RALGAPA1: variants seen among roughly 807,000 people sequenced by gnomAD.
RALGAPA1 encodes the protein ral GTPase-activating protein subunit alpha-1.
In RALGAPA1, 52 loss-of-function variants were observed where a neutral mutation model predicts 269.6. The ratio of observed to expected loss-of-function variants is 0.19; its 90% CI spans 0.15 to 0.24. RALGAPA1 has a LOEUF of 0.24. Among genes scored for constraint, RALGAPA1 ranks in the 10% least tolerant of loss-of-function variants. RALGAPA1 has a pLI of 1.00. For synonymous variants in RALGAPA1, 817 were observed against 1,008.3 expected (o/e 0.81, Z 3.60); for missense variants, 1,917 against 3,013.9 (o/e 0.64, Z 8.52).
At chr14:35,583,083 AG>A (rs1246352728) in intron 37 of RALGAPA1, among the ~76,000 whole-genome samples, 1 of 152,230 alleles carries the variant, frequency 6.6e-6, no homozygotes, top group Non-Finnish European at 1.5e-5. Context: ...CATAGTCTAA[AG>A]AGACTGAACA....
Position 35,539,836 on chromosome 14 carries a change from C to A in RALGAPA1, c.*24-146G>T, listed in dbSNP as rs148335276. 2.7e-4 allele frequency: 311 copies of A among 1,159,654 alleles called. 1 individual carries two copies. The African/African-American group carries it at 4.4e-3, about 17-fold the overall frequency. 71.8% of individuals were successfully genotyped at this position (1,159,654 alleles called of 1,614,324 possible). The stretch of plus-strand genomic sequence containing the variant: ...AAGCAAGCCCCAAACTTGCTTGTTA[C>A]AATAGCCTACTAATGTATTTAAAAC... On this transcript the variant is annotated intron_variant, in intron 41 of 41. Transcript: ENST00000680220.
chr14:35,743,010 C>A (rs1045645500), intron 10 of RALGAPA1, among the ~76,000 whole-genome samples: 1 of 152,046 alleles, frequency 6.6e-6, no homozygotes, highest in Non-Finnish European at 1.5e-5. Context: ...ATCACATACA[C>A]CCCAACACTC....
At chr14:35,688,188 G>C (rs2066125877) in intron 18 of RALGAPA1, among the ~76,000 whole-genome samples, 1 of 152,108 alleles carries the variant, frequency 6.6e-6, no homozygotes, top group Non-Finnish European at 1.5e-5. Context: ...TCTTTGATAG[G>C]TTATTGAAAT....
rs1178693890 is a variant in RALGAPA1 at position 35,688,646 on chromosome 14, A to G, written c.3765T>C (p.Leu1255=). Residue 1255 remains leucine, a synonymous_variant, in exon 18 of 42, where the codon CTT becomes CTC. Transcript: ENST00000680220. ...GTCCTGCCTCATGACTTGATGACCT[A>G]AGAGTACTACGACTACCTAATTGAC... ...ASSQLGSRST[L]RSSSHEAGLQ... is the part of the protein sequence containing the mutation. The G allele has an allele frequency of 1.3e-5, 20 of 1,529,196 alleles. No individual in the cohort carries two copies. The highest frequency in any genetic ancestry group is 1.7e-5 in the Non-Finnish European group (19 of 1,144,664). 94.7% of individuals were successfully genotyped at this position (1,529,196 alleles called of 1,614,324 possible).
intron 4 of RALGAPA1, chr14:35,765,889 A>C: frequency 9.9e-7 from 1 of 1,010,076 alleles, no homozygotes; most frequent in Non-Finnish European, 1.5e-6. Context: ...ACTAATGGAA[A>C]AACAAATTTA....
chr14:35,740,893 C>G (rs1043197771), intron 11 of RALGAPA1, among the ~76,000 whole-genome samples: 2 of 152,094 alleles, frequency 1.3e-5, no homozygotes, highest in East Asian at 3.8e-4. Context: ...AACTGTAACA[C>G]CAAAAATTTA....
At chr14:35,723,766 A>G (rs904305430) in intron 14 of RALGAPA1, 8 of 152,214 alleles carry the variant, frequency 5.3e-5, no homozygotes, top group African/African-American at 1.7e-4. Context: ...TTGAAATTAA[A>G]TATTTTTAAA....
intron 16 of RALGAPA1, among the ~76,000 whole-genome samples, chr14:35,703,337 G>A (rs926258787): frequency 6.6e-6 from 1 of 152,124 alleles, no homozygotes; most frequent in East Asian, 1.9e-4. Context: ...CATTAGCTGG[G>A]TGTGGTGGTG....
rs200652863 is a variant in RALGAPA1 at position 35,723,196 on chromosome 14, T to C, written c.1935A>G (p.Leu645=). The part of the protein sequence containing the change: ...VYISRELWDD[L]LSVLSSLTYW... ...AGGTCAGCGATGACAATACTGACAG[T>C]AAGTCATCCCAAAGTTCTCGGGAGA... The change falls in exon 15 of 42, where the codon TTA becomes TTG. Residue 645 remains leucine, a synonymous_variant. Coordinates refer to ENST00000680220, the MANE Select transcript of RALGAPA1 (RefSeq NM_001346249.2). 5.0e-6 allele frequency: 8 copies of C among 1,613,830 alleles called. No individual in the cohort carries two copies. The Admixed American group carries it at 8.3e-5, about 17-fold the overall frequency.
Position 35,682,082 on chromosome 14 carries a change from TTC to T in RALGAPA1, c.4471+1725_4471+1726del, listed in dbSNP as rs1362151079. On this transcript the variant is annotated intron_variant, in intron 21 of 41. Transcript: ENST00000680220. ...CCAATTGATGGACATTTGGTTTGTT[TTC>T]AATTTTTAACTACTGTGAATAAAGC... 9.2e-5 allele frequency among the ~76,000 whole-genome samples: 14 copies of T among 152,316 alleles called. No individual in the cohort carries two copies. The East Asian group carries it at 1.2e-3, about 13-fold the overall frequency.
intron 36 of RALGAPA1, among the ~76,000 whole-genome samples, chr14:35,601,925 C>A (rs2139132163): frequency 6.6e-6 from 1 of 152,282 alleles, no homozygotes; most frequent in Non-Finnish European, 1.5e-5. Context: ...AGAACATCTT[C>A]ATCATTTCCC....
At chr14:35,659,042 G>T in intron 28 of RALGAPA1, 96 bp downstream of exon 28, 2 of 705,124 alleles carry the variant, frequency 2.8e-6, no homozygotes, top group Non-Finnish European at 4.5e-6. Flanking sequence ...TGGCTTTTAT[G>T]TATCTAAAAC....
intron 12 of RALGAPA1, among the ~76,000 whole-genome samples, chr14:35,736,176 A>T (rs1027552053): frequency 1.3e-5 from 2 of 152,200 alleles, no homozygotes; most frequent in African/African-American, 4.8e-5. Context: ...TTCTGTACAC[A>T]TTATGAAGGG....
At chr14:35,703,371 C>T (rs1467436622) in intron 16 of RALGAPA1, among the ~76,000 whole-genome samples, 12 of 152,206 alleles carry the variant, frequency 7.9e-5, no homozygotes, top group African/African-American at 2.6e-4. Flanking sequence ...CCAGCTACTC[C>T]GATGGCTGGA....
At chr14:35,569,400 G>T (rs955580481) in intron 39 of RALGAPA1, among the ~76,000 whole-genome samples, 1 of 152,146 alleles carries the variant, frequency 6.6e-6, no homozygotes, top group Non-Finnish European at 1.5e-5. Flanking sequence ...TGTATGTTGT[G>T]TGCCAGGCAC....
intron 1 of RALGAPA1, among the ~76,000 whole-genome samples, chr14:35,800,778 G>GT (rs1436448431): frequency 6.6e-6 from 1 of 152,162 alleles, no homozygotes; most frequent in Non-Finnish European, 1.5e-5. Context: ...GCCCAGGCTG[G>GT]TGGATCACTT....
At chr14:35,800,826 A>G (rs1355359429) in intron 1 of RALGAPA1, among the ~76,000 whole-genome samples, 1 of 152,054 alleles carries the variant, frequency 6.6e-6, no homozygotes, top group Non-Finnish European at 1.5e-5. Flanking sequence ...CCAACAAGGT[A>G]ACAACCTGTC....
chr14:35,791,415 C>G (rs902489057), intron 1 of RALGAPA1, among the ~76,000 whole-genome samples: 1 of 152,072 alleles, frequency 6.6e-6, no homozygotes, highest in African/African-American at 2.4e-5. Context: ...ACCAGCCTGG[C>G]CAACATGGCA....
At chr14:35,741,564 G>T (rs2071557427) in intron 11 of RALGAPA1, among the ~76,000 whole-genome samples, 1 of 152,048 alleles carries the variant, frequency 6.6e-6, no homozygotes, top group South Asian at 2.1e-4. Context: ...CCACTGATGA[G>T]GTTAGATTAA....
Sources: gnomAD v4.1 joint callset for allele counts (sites outside exome capture counted in the v4.1 genomes callset) on GRCh38, gnomAD v4.1.1 for gene constraint, MANE v1.5 for transcripts, NCBI Gene and HGNC (gene_info 2026-07-23, HGNC 2026-07-21) for gene names.